COMMD10: variants seen among roughly 807,000 people sequenced by gnomAD.
The protein encoded by COMMD10 is COMM domain containing 10.
COMMD10 carries 33 observed loss-of-function variants against 28.9 expected under a neutral mutation model. The observed-to-expected ratio is 1.14, with a 90% CI of 0.87 to 1.53. COMMD10 has a LOEUF of 1.53. Among genes scored for constraint, COMMD10 ranks in the 40% most tolerant of loss-of-function variants. COMMD10 has a pLI of 0.00. For missense variants in COMMD10, 310 were observed against 233.4 expected (o/e 1.33, Z -2.14); for synonymous variants, 110 against 81.7 (o/e 1.35, Z -1.87).
chr5:116,146,936 G>A lies in COMMD10; in HGVS notation c.510+12758G>A, dbSNP rs186783930. Among the ~76,000 whole-genome samples the A allele has an allele frequency of 1.7e-3, 264 of 151,830 alleles. 1 individual carries two copies. The highest frequency in any genetic ancestry group is 6.0e-3 in the African/African-American group (249 of 41,438). On this transcript the variant is annotated intron_variant, in intron 5 of 6. Coordinates refer to ENST00000274458, the MANE Select transcript of COMMD10 (RefSeq NM_016144.4). ...CTGTCCTTAATACTTATGATCCAAA[G>A]CTGCAACCTTTCAGAAATGCCATGT...
At chr5:116,220,030 GAT>G (rs1312985665) in intron 5 of COMMD10, among the ~76,000 whole-genome samples, 1 of 151,706 alleles carries the variant, frequency 6.6e-6, no homozygotes, top group African/African-American at 2.4e-5. Flanking sequence ...AATTGTTTTG[GAT>G]ACATAGTCGG....
chr5:116,252,138 A>T (rs1247293596), intron 5 of COMMD10, among the ~76,000 whole-genome samples: 1 of 146,110 alleles, frequency 6.8e-6, no homozygotes, highest in Non-Finnish European at 1.5e-5. Flanking sequence ...CCACTTTTTG[A>T]TGGGGTTGTT....
intron 5 of COMMD10, among the ~76,000 whole-genome samples, chr5:116,206,808 A>G (rs1013243846): frequency 5.3e-5 from 8 of 152,208 alleles, no homozygotes; most frequent in African/African-American, 1.9e-4. Context: ...TCTTTGGCAG[A>G]TTTTAAAATC....
At chr5:116,146,813 G>A (rs568574353) in intron 5 of COMMD10, among the ~76,000 whole-genome samples, 1 of 151,814 alleles carries the variant, frequency 6.6e-6, no homozygotes, top group East Asian at 1.9e-4. Flanking sequence ...AAATTATTGG[G>A]CACTTTTGGC....
intron 5 of COMMD10, among the ~76,000 whole-genome samples, chr5:116,167,199 A>G (rs555752049): frequency 1.3e-5 from 2 of 152,156 alleles, no homozygotes; most frequent in East Asian, 3.9e-4. Context: ...AACTTCATGC[A>G]GCCTACACAA....
intron 5 of COMMD10, among the ~76,000 whole-genome samples, chr5:116,194,962 C>G (rs1345607902): frequency 6.6e-6 from 1 of 152,066 alleles, no homozygotes; most frequent in Non-Finnish European, 1.5e-5. Context: ...AAAAGATAAT[C>G]CACTATGATC....
rs554252786 is a variant in COMMD10 at position 116,187,095 on chromosome 5, G to T, written c.510+52917G>T. ...AAATAATAATAAACAAATGAATCAA[G>T]TTTCTAAAAATCAAAACAAAAAACT... On this transcript the variant is annotated intron_variant, in intron 5 of 6. Transcript: ENST00000274458. Among the ~76,000 whole-genome samples the T allele has an allele frequency of 1.5e-4, 23 of 152,156 alleles. No homozygotes were observed. In the South Asian group the frequency reaches 4.8e-3, roughly 32 times the overall value.
At chr5:116,272,244 T>G (rs1750778866) in intron 5 of COMMD10, among the ~76,000 whole-genome samples, 1 of 151,778 alleles carries the variant, frequency 6.6e-6, no homozygotes. Context: ...AAATGGGTAT[T>G]CTTTATAGAT....
chr5:116,263,248 T>C (rs1485220738), intron 5 of COMMD10, among the ~76,000 whole-genome samples: 1 of 151,790 alleles, frequency 6.6e-6, no homozygotes, highest in East Asian at 1.9e-4. Context: ...CTCATTTATC[T>C]TGCCCAAATT....
chr5:116,162,807 G>T (rs912185380), intron 5 of COMMD10, among the ~76,000 whole-genome samples: 4 of 152,086 alleles, frequency 2.6e-5, no homozygotes, highest in African/African-American at 7.2e-5. Context: ...TTGGGTTATC[G>T]CACAGAACAC....
intron 5 of COMMD10, among the ~76,000 whole-genome samples, chr5:116,288,611 T>A (rs892919875): frequency 1.3e-5 from 2 of 151,792 alleles, no homozygotes; most frequent in East Asian, 3.9e-4. Flanking sequence ...CCTAAATCCC[T>A]TATCATCTCT....
At chr5:116,106,285 T>A (rs1561603267) in intron 4 of COMMD10, among the ~76,000 whole-genome samples, 1 of 152,178 alleles carries the variant, frequency 6.6e-6, no homozygotes, top group Non-Finnish European at 1.5e-5. Context: ...TTCCATGTGT[T>A]GTGAGGTTTT....
At chr5:116,224,249 G>A (rs1351120373) in intron 5 of COMMD10, among the ~76,000 whole-genome samples, 1 of 152,120 alleles carries the variant, frequency 6.6e-6, no homozygotes. Context: ...CTTCAGTTGG[G>A]AATTCGTTTA....
chr5:116,224,809 A>C (rs1173786402), intron 5 of COMMD10, among the ~76,000 whole-genome samples: 1 of 152,222 alleles, frequency 6.6e-6, no homozygotes, highest in African/African-American at 2.4e-5. Context: ...AATTAATACT[A>C]AATTTTGTTG....
chr5:116,262,037 A>T (rs1750461179), intron 5 of COMMD10, among the ~76,000 whole-genome samples: 1 of 151,728 alleles, frequency 6.6e-6, no homozygotes. Context: ...TCAGATAAAG[A>T]AGGTAAGGCA....
chr5:116,246,899 T>C (rs1201580727), intron 5 of COMMD10, among the ~76,000 whole-genome samples: 1 of 152,040 alleles, frequency 6.6e-6, no homozygotes. Context: ...GGCAATACCA[T>C]GCAGGACAAT....
chr5:116,099,927 G>T (rs1453117565), intron 4 of COMMD10, among the ~76,000 whole-genome samples: 3 of 152,002 alleles, frequency 2.0e-5, no homozygotes, highest in African/African-American at 4.8e-5. Context: ...TTTGGATTTT[G>T]GATTTTTTGA....
intron 5 of COMMD10, among the ~76,000 whole-genome samples, chr5:116,191,793 G>A (rs536639482): frequency 2.2e-4 from 33 of 152,100 alleles, no homozygotes; most frequent in African/African-American, 7.5e-4. Context: ...TACTACAGCT[G>A]ATGCTCTCTG....
chr5:116,152,226 T>G (rs1292741724), intron 5 of COMMD10, among the ~76,000 whole-genome samples: 1 of 152,200 alleles, frequency 6.6e-6, no homozygotes, highest in Non-Finnish European at 1.5e-5. Context: ...GAGAGACAGT[T>G]TGTTATAATT....
Sources: allele counts gnomAD v4.1 joint callset (sites outside exome capture counted in the v4.1 genomes callset), GRCh38; gene constraint gnomAD v4.1.1; transcripts MANE v1.5; gene names NCBI Gene and HGNC (gene_info 2026-07-23, HGNC 2026-07-21).